ADAMTSL1: variants seen among roughly 807,000 people sequenced by gnomAD.
ADAMTSL1 encodes ADAMTS-like protein 1.
ADAMTSL1 carries 126 observed loss-of-function variants against 201.8 expected under a neutral mutation model. That is an observed-to-expected ratio of 0.62 (90% confidence interval 0.54 to 0.72). The LOEUF (loss-of-function observed/expected upper bound fraction) is 0.72. Among genes scored for constraint, ADAMTSL1 ranks in the 30% least tolerant of loss-of-function variants. ADAMTSL1 has a pLI of 0.00. For synonymous variants in ADAMTSL1, 1,121 were observed against 903.4 expected, an observed-to-expected ratio of 1.24 and a Z score of -4.32; for missense variants, 2,679 against 2,277.8, an observed-to-expected ratio of 1.18 and a Z score of -3.59.
intron 1 of ADAMTSL1, among the ~76,000 whole-genome samples, chr9:17,930,148 C>G (rs1398507474): frequency 2.6e-5 from 4 of 152,092 alleles, no homozygotes; most frequent in African/African-American, 7.2e-5. Context: ...AACAAAATTT[C>G]TCGGTCACAT....
chr9:18,886,166 G>GTATGTGTGTA (rs55916376), intron 23 of ADAMTSL1, among the ~76,000 whole-genome samples: 2 of 37,136 alleles, frequency 5.4e-5, no homozygotes, highest in Non-Finnish European at 9.7e-5. Context: ...GTGTGTATGT[G>GTATGTGTGTA]TATATATATA....
intron 1 of ADAMTSL1, among the ~76,000 whole-genome samples, chr9:17,913,900 C>A (rs866057280): frequency 0.02 from 3,078 of 152,250 alleles, 102 homozygotes; most frequent in African/African-American, 0.071. Flanking sequence ...CACCTCTACG[C>A]AAATAAACTA....
intron 2 of ADAMTSL1, among the ~76,000 whole-genome samples, chr9:18,166,439 G>T (rs1827636830): frequency 6.6e-6 from 1 of 151,890 alleles, no homozygotes; most frequent in African/African-American, 2.4e-5. Flanking sequence ...CCTTCTAAAT[G>T]CAAAGCATTC....
At chr9:18,690,219 TGAAAA>T (rs748154480) in intron 13 of ADAMTSL1, among the ~76,000 whole-genome samples, 8,509 of 152,270 alleles carry the variant, frequency 0.056, 368 homozygotes, top group African/African-American at 0.12. Flanking sequence ...TTTATCTTGT[TGAAAA>T]TAGTACTTAA....
chr9:18,344,930 C>G (rs1270520798), intron 2 of ADAMTSL1, among the ~76,000 whole-genome samples: 1 of 152,178 alleles, frequency 6.6e-6, no homozygotes. Flanking sequence ...TTAAGCAGAG[C>G]TCCCCTCGGG....
chr9:17,951,047 A>G (rs7851449), intron 1 of ADAMTSL1, among the ~76,000 whole-genome samples: 129,341 of 152,058 alleles, frequency 0.85, 55,173 homozygotes, highest in East Asian at 0.94. Flanking sequence ...AATTCCTCTA[A>G]AAGAGAAGGT....
At chr9:17,986,888 A>G (rs1818950345) in intron 1 of ADAMTSL1, among the ~76,000 whole-genome samples, 1 of 152,118 alleles carries the variant, frequency 6.6e-6, no homozygotes, top group African/African-American at 2.4e-5. Flanking sequence ...ATAAAGGTAA[A>G]TAAAAAAGTG....
At chr9:17,948,676 A>G (rs937412767) in intron 1 of ADAMTSL1, among the ~76,000 whole-genome samples, 4 of 152,206 alleles carry the variant, frequency 2.6e-5, no homozygotes, top group Admixed American at 2.6e-4. Context: ...AGATAAGTCC[A>G]TGGCAGAAAT....
intron 1 of ADAMTSL1, among the ~76,000 whole-genome samples, chr9:18,027,785 G>C (rs1820765806): frequency 6.6e-6 from 1 of 151,940 alleles, no homozygotes; most frequent in South Asian, 2.1e-4. Flanking sequence ...TTTGTTTTCT[G>C]CCTCAATGAT....
At chr9:18,391,265 A>C (rs987135268) in intron 2 of ADAMTSL1, among the ~76,000 whole-genome samples, 1 of 152,190 alleles carries the variant, frequency 6.6e-6, no homozygotes, top group African/African-American at 2.4e-5. Context: ...GGCCTTTTCA[A>C]GTTTTAGAAG....
At position 18,498,583 on chromosome 9, in the gene ADAMTSL1, C is replaced by T. The variant is rs184502445; in HGVS notation, c.64-6246C>T. ...AAAGTCTTGCCCTCAGCTGATCCGC[C>T]CGCCTCGGCCTCCCAAAGTGCTGGC... On this transcript the variant is annotated intron_variant, in intron 1 of 28. Transcript: ENST00000380548. 6.5e-3 allele frequency among the ~76,000 whole-genome samples: 994 copies of T among 152,256 alleles called. 9 individuals are homozygous for T. The highest frequency in any genetic ancestry group is 0.023 in the African/African-American group (939 of 41,548).
At chr9:18,043,128 C>A (rs1045108823) in intron 1 of ADAMTSL1, among the ~76,000 whole-genome samples, 1 of 152,098 alleles carries the variant, frequency 6.6e-6, no homozygotes, top group African/African-American at 2.4e-5. Flanking sequence ...CCACATGTCA[C>A]AATTACCTGG....
chr9:18,121,768 A>T (rs1368933951), intron 1 of ADAMTSL1, among the ~76,000 whole-genome samples: 3 of 152,178 alleles, frequency 2.0e-5, no homozygotes, highest in Non-Finnish European at 4.4e-5. Context: ...TATTTTTACC[A>T]TGCAAACAGA....
intron 2 of ADAMTSL1, among the ~76,000 whole-genome samples, chr9:18,219,385 T>C (rs1710297794): frequency 6.9e-6 from 1 of 145,692 alleles, no homozygotes; most frequent in African/African-American, 2.6e-5. Flanking sequence ...ATTTATTTAT[T>C]TGAGACAGTG....
At chr9:18,095,470 C>G (rs1380538139) in intron 1 of ADAMTSL1, among the ~76,000 whole-genome samples, 4 of 142,648 alleles carry the variant, frequency 2.8e-5, no homozygotes, top group Non-Finnish European at 6.1e-5. Flanking sequence ...CCACCCAGGC[C>G]AGAGTGCAGT....
chr9:18,339,612 C>G (rs1835388300), intron 2 of ADAMTSL1, among the ~76,000 whole-genome samples: 1 of 151,998 alleles, frequency 6.6e-6, no homozygotes, highest in Non-Finnish European at 1.5e-5. Context: ...GGGTACATAC[C>G]CAAATGAATA....
intron 1 of ADAMTSL1, among the ~76,000 whole-genome samples, chr9:18,158,225 T>G (rs1432351698): frequency 6.6e-6 from 1 of 151,978 alleles, no homozygotes; most frequent in Non-Finnish European, 1.5e-5. Context: ...TTGGCAAATA[T>G]GAGTTTAGAG....
chr9:18,886,166 G>GTA (rs751978972), intron 23 of ADAMTSL1, among the ~76,000 whole-genome samples: 22 of 37,134 alleles, frequency 5.9e-4, no homozygotes, highest in Non-Finnish European at 8.3e-4. Context: ...GTGTGTATGT[G>GTA]TATATATATA....
At chr9:18,624,348 G>T (rs1285150782) in intron 5 of ADAMTSL1, among the ~76,000 whole-genome samples, 1 of 152,140 alleles carries the variant, frequency 6.6e-6, no homozygotes, top group Non-Finnish European at 1.5e-5. Context: ...ACCAGAAATG[G>T]ATAGAGGCAT....
Sources: gnomAD v4.1 joint callset for allele counts (sites outside exome capture counted in the v4.1 genomes callset) on GRCh38, gnomAD v4.1.1 for gene constraint, MANE v1.5 for transcripts, NCBI Gene and HGNC (gene_info 2026-07-23, HGNC 2026-07-21) for gene names.